Variants in GNPTG observed in about 807,000 individuals in gnomAD.
The protein encoded by GNPTG is N-acetylglucosamine-1-phosphotransferase subunit gamma.
In GNPTG, 46 loss-of-function variants were observed where a neutral mutation model predicts 43.8. The observed-to-expected ratio is 1.05, with a 90% CI of 0.83 to 1.34. The LOEUF (loss-of-function observed/expected upper bound fraction) is 1.34. GNPTG is among the 40% of genes most tolerant of loss of function. The pLI is 0.00. For synonymous variants in GNPTG, 250 were observed against 172.8 expected (o/e 1.45, Z -3.50); for missense variants, 549 against 411.3 (o/e 1.33, Z -2.90).
intron 3 of GNPTG, among the ~76,000 whole-genome samples, chr16:1,357,007 C>T (rs538065390): frequency 6.6e-6 from 1 of 152,132 alleles, no homozygotes; most frequent in Non-Finnish European, 1.5e-5. Context: ...ATCAGGGTCT[C>T]TGGGATGGCT....
At chr16:1,357,614 C>T (rs7205697) in intron 3 of GNPTG, 132,947 of 152,332 alleles carry the variant, frequency 0.87, 58,261 homozygotes, top group East Asian at 1. Flanking sequence ...CCCGGGTTCA[C>T]GCCATTCTCC....
At chr16:1,361,549 CAGG>C (rs887276554) in intron 3 of GNPTG, 191 bp from the exon 4 acceptor site, 12 of 588,940 alleles carry the variant, frequency 2.0e-5, no homozygotes, top group African/African-American at 1.9e-4. Context: ...GAGGCTGAGG[CAGG>C]AGAATGGCGT....
At position 1,361,803 on chromosome 16, in the gene GNPTG, T is replaced by A; in HGVS notation, c.233+6T>A. ...TTCAGCCTGGTGGAGTCCACGTGAG[T>A]GCAGGGTGGGTGCGAGGGTGGGCTG... On this transcript the variant is annotated splice_donor_region_variant and intron_variant, in intron 4 of 10. Coordinates refer to ENST00000204679, the MANE Select transcript of GNPTG (RefSeq NM_032520.5). 1.2e-6 allele frequency: 2 copies of A among 1,611,888 alleles called. No homozygotes were observed. Among genetic ancestry groups the A allele is most frequent in the Non-Finnish European group, 1.7e-6 (2 of 1,178,514 alleles).
chr16:1,361,625 C>CA, intron 3 of GNPTG, 118 bp from the exon 4 acceptor site: 2 of 1,012,734 alleles, frequency 2.0e-6, no homozygotes, highest in Non-Finnish European at 3.0e-6. Context: ...GCCTGGGTGA[C>CA]AGAGTGAGAC....
At chr16:1,353,291 A>G (rs1458340153) in intron 3 of GNPTG, among the ~76,000 whole-genome samples, 1 of 152,212 alleles carries the variant, frequency 6.6e-6, no homozygotes, top group Non-Finnish European at 1.5e-5. Context: ...TAATTTTATT[A>G]TCGAATACCT....
intron 3 of GNPTG, among the ~76,000 whole-genome samples, chr16:1,360,066 C>T (rs781666333): frequency 1.3e-5 from 2 of 152,018 alleles, no homozygotes; most frequent in East Asian, 1.9e-4. Flanking sequence ...CAAGATCGTG[C>T]CACTGCAATC....
At chr16:1,356,318 G>T (rs374609481) in intron 3 of GNPTG, among the ~76,000 whole-genome samples, 55 of 152,330 alleles carry the variant, frequency 3.6e-4, no homozygotes, top group African/African-American at 1.3e-3. Flanking sequence ...TGCAGGGGAC[G>T]TGCGGGTGAA....
chr16:1,362,316 G>A lies in GNPTG; in HGVS notation c.522G>A (p.Leu174=). 1 of 1,612,724 alleles carries A rather than the reference G, an allele frequency of 6.2e-7. No homozygotes were observed. The highest frequency in any genetic ancestry group is 8.5e-7 in the Non-Finnish European group (1 of 1,179,690). Residue 174 remains leucine, a synonymous_variant, in exon 7 of 11, where the codon TTG becomes TTA. Coordinates refer to ENST00000204679, the MANE Select transcript of GNPTG (RefSeq NM_032520.5). ...ETPLVCHPHA[L]LVYPTLPEAL... ...CCCTCGTCTGCCACCCCCACGCCTTGCTAGGTAGGGGTGCGGGACGCAGTT... is the reference window on the plus strand; with the variant it reads ...CCCTCGTCTGCCACCCCCACGCCTTACTAGGTAGGGGTGCGGGACGCAGTT...
chr16:1,362,679 A>T lies in GNPTG; in HGVS notation c.678A>T (p.Glu226Asp), dbSNP rs775527344. ...ACTTAAAGACCCCAGAAGAAAATGAACCCACCCAGCTGGAGGGAGGTCCTG... is the reference window on the plus strand; with the variant it reads ...ACTTAAAGACCCCAGAAGAAAATGATCCCACCCAGCTGGAGGGAGGTCCTG... Reference protein sequence around the residue: ...AGYLKTPEENEPTQLEGGPDS... With the variant: ...AGYLKTPEENDPTQLEGGPDS... The change falls in exon 9 of 11, where the codon GAA becomes GAT. Residue 226 changes from glutamate to aspartate, a missense_variant. Transcript: ENST00000204679. The T allele has an allele frequency of 1.2e-6, 2 of 1,613,964 alleles. No individual in the cohort carries two copies. The highest frequency in any genetic ancestry group is 1.7e-6 in the Non-Finnish European group (2 of 1,179,978).
chr16:1,354,930 G>A (rs1280633366), intron 3 of GNPTG, among the ~76,000 whole-genome samples: 1 of 151,406 alleles, frequency 6.6e-6, no homozygotes, highest in South Asian at 2.1e-4. Context: ...TGTCTCCCAC[G>A]TCTGTGGGGT....
In GNPTG at chr16:1,363,129, G is replaced by A. The variant is rs772624200; in HGVS notation, c.*38G>A. 1.9e-6 allele frequency: 3 copies of A among 1,587,594 alleles called. No individual in the cohort carries two copies. On this transcript the variant is annotated 3_prime_UTR_variant, in exon 11 of 11. Transcript: ENST00000204679. ...AGAGCAGAGGTGGACGCGGCCGAGA[G>A]CCCTACAGAGAAGCTGGCTGGTAGG...
At position 1,354,745 on chromosome 16, in the gene GNPTG, C is replaced by T. The variant is rs35388401; in HGVS notation, c.178+2439C>T. 8.9e-3 allele frequency among the ~76,000 whole-genome samples: 1,355 copies of T among 152,336 alleles called. 11 individuals are homozygous for T. Among genetic ancestry groups the T allele is most frequent in the Non-Finnish European group, 0.014 (983 of 68,038 alleles). On this transcript the variant is annotated intron_variant, in intron 3 of 10. Coordinates refer to ENST00000204679, the MANE Select transcript of GNPTG (RefSeq NM_032520.5). ...TTAATTTGGAACAGTTCTCTTCCCA[C>T]CTTTGGATGTAAGTGGCACATTTGT...
Position 1,352,250 on chromosome 16 carries a change from C to G in GNPTG, c.122C>G (p.Pro41Arg). ...EEPNAFGVNN[P>R]FLPQASRLQA... ...GCCGCTTCCCGTAGGGTGAACAACCCGTTCTTGCCTCAGGCCAGTCGCCTC... is the reference window on the plus strand; with the variant it reads ...GCCGCTTCCCGTAGGGTGAACAACCGGTTCTTGCCTCAGGCCAGTCGCCTC... The change falls in exon 3 of 11, where the codon CCG becomes CGG. Residue 41 changes from proline (P) to arginine (R), a missense_variant. By Grantham distance (103) the Pro-to-Arg change is moderately radical. Transcript: ENST00000204679. 2 of 1,548,710 alleles carry G rather than the reference C, an allele frequency of 1.3e-6. No homozygotes were observed. The highest frequency in any genetic ancestry group is 1.7e-6 in the Non-Finnish European group (2 of 1,146,960).
chr16:1,352,096 C>T lies in GNPTG; in HGVS notation c.53-6C>T, dbSNP rs1302077249. 3.2e-6 allele frequency: 5 copies of T among 1,566,564 alleles called. No homozygotes were observed. Among genetic ancestry groups the T allele is most frequent in the South Asian group, 1.2e-5 (1 of 85,410 alleles). On this transcript the variant is annotated splice_region_variant and splice_polypyrimidine_tract_variant and intron_variant, in intron 1 of 10. Coordinates refer to ENST00000204679, the MANE Select transcript of GNPTG (RefSeq NM_032520.5). ...GCCTCCCCGCTCACGGTCTCGCTCCCCGTAGGGCCCGCGCCGGCAGGTGCA... is the reference window on the plus strand; with the variant it reads ...GCCTCCCCGCTCACGGTCTCGCTCCTCGTAGGGCCCGCGCCGGCAGGTGCA...
At position 1,362,700 on chromosome 16, in the gene GNPTG, TC is replaced by T. The variant is rs1297654273; in HGVS notation, c.701del (p.Pro234LeufsTer26). The T allele has an allele frequency of 6.2e-7, 1 of 1,613,332 alleles. No individual in the cohort carries two copies. The highest frequency in any genetic ancestry group is 1.3e-5 in the African/African-American group (1 of 74,692). On this transcript the variant is annotated frameshift_variant, in exon 9 of 11. Transcript: ENST00000204679. LOFTEE classifies it high-confidence loss of function. Reference protein sequence around the residue: ...ENEPTQLEGGPDSLGFETLEN... With the variant: ...ENEPTQLEGGXDSLGFETLEN... ...ATGAACCCACCCAGCTGGAGGGAGGTCCTGACAGCTTGGGGTTTGAGACCCT... is the reference window on the plus strand; with the variant it reads ...ATGAACCCACCCAGCTGGAGGGAGGTCTGACAGCTTGGGGTTTGAGACCCT...
chr16:1,361,787 G>C lies in GNPTG; in HGVS notation c.223G>C (p.Val75Leu), dbSNP rs762024309. 6.2e-7 allele frequency: 1 copy of C among 1,614,112 alleles called. No homozygotes were observed. Among genetic ancestry groups the C allele is most frequent in the Middle Eastern group, 1.6e-4 (1 of 6,062 alleles). The change falls in exon 4 of 11, where the codon GTG becomes CTG. Residue 75 changes from valine to leucine, a missense_variant. Val to Leu is a conservative substitution (Grantham distance 32, BLOSUM62 1). Coordinates refer to ENST00000204679, the MANE Select transcript of GNPTG (RefSeq NM_032520.5). ...FRLSGKCFSL[V>L]ESTYKYEFCP... is the part of the protein sequence containing the mutation. ...ACTCTCGGGCAAGTGCTTCAGCCTG[G>C]TGGAGTCCACGTGAGTGCAGGGTGG...
In GNPTG at chr16:1,362,911, G is replaced by C. The variant is rs370849658; in HGVS notation, c.823+5G>C. On this transcript the variant is annotated splice_donor_5th_base_variant and intron_variant, in intron 10 of 10. Coordinates refer to ENST00000204679, the MANE Select transcript of GNPTG (RefSeq NM_032520.5). ...TCCCCTACACGAGGCCCACAGGTGA[G>C]TCACCTGTGGGGAGAGGGCCAGGCT... The C allele has an allele frequency of 3.7e-6, 6 of 1,612,728 alleles. No homozygotes were observed. In the African/African-American group the frequency reaches 4.0e-5, roughly 11 times the overall value.
Position 1,361,880 on chromosome 16 carries a change from A to ATGAG in GNPTG, c.244_247dup (p.Phe83Ter). The ATGAG allele has an allele frequency of 6.2e-7, 1 of 1,613,696 alleles. No individual in the cohort carries two copies. The highest frequency in any genetic ancestry group is 1.3e-5 in the African/African-American group (1 of 75,058). ...GCCATCTGTGTCCCCAGGTACAAGT[A>ATGAG]TGAGTTCTGCCCGTTCCACAACGTG... On this transcript the variant is annotated frameshift_variant, in exon 5 of 11. Transcript: ENST00000204679. LOFTEE classifies it high-confidence loss of function.
rs374558065 is a variant in GNPTG, at chr16:1,361,967, C to G, written c.317+12C>G. 1.2e-6 allele frequency: 2 copies of G among 1,613,392 alleles called. No homozygotes were observed. Among genetic ancestry groups the G allele is most frequent in the Non-Finnish European group, 1.7e-6 (2 of 1,180,014 alleles). On this transcript the variant is annotated intron_variant, in intron 5 of 10. Coordinates refer to ENST00000204679, the MANE Select transcript of GNPTG (RefSeq NM_032520.5). ...AGTGGGATCCTCGGGTGAGTGGGGC[C>G]GGGGCAGGGATCCCAAAGCAGCAGC... is the stretch of plus-strand genomic sequence containing the variant.
Sources: allele counts gnomAD v4.1 joint callset (sites outside exome capture counted in the v4.1 genomes callset), GRCh38; gene constraint gnomAD v4.1.1; transcripts MANE v1.5; gene names NCBI Gene and HGNC (gene_info 2026-07-23, HGNC 2026-07-21).